OR2C1: variants seen among roughly 807,000 people sequenced by gnomAD.
The protein encoded by OR2C1 is olfactory receptor family 2 subfamily C member 1, also known as olfactory receptor 2C1.
For missense variants in OR2C1, 468 were observed against 388.3 expected (o/e 1.21, Z -1.73); for synonymous variants, 209 against 167.3 (o/e 1.25, Z -1.92).
chr16:3,342,372 A>G, the OR2C1 span, among the ~76,000 whole-genome samples: 1 of 152,210 alleles, frequency 6.6e-6, no homozygotes, highest in Non-Finnish European at 1.5e-5. Flanking sequence ...AATTAGGGGG[A>G]AATATTTGTG....
At chr16:3,324,905 G>T in the OR2C1 span, among the ~76,000 whole-genome samples, 1 of 151,996 alleles carries the variant, frequency 6.6e-6, no homozygotes, top group Non-Finnish European at 1.5e-5. Context: ...AAATTTTTTG[G>T]TTTTCCAGTA....
chr16:3,345,197 G>A, the OR2C1 span, among the ~76,000 whole-genome samples: 14 of 151,988 alleles, frequency 9.2e-5, no homozygotes, highest in Admixed American at 6.6e-4. Flanking sequence ...GGCTGGGCGC[G>A]GTGGTTCATG....
the OR2C1 span, among the ~76,000 whole-genome samples, chr16:3,333,194 A>G: frequency 1.6e-5 from 1 of 63,386 alleles, no homozygotes; most frequent in Non-Finnish European, 3.5e-5. Flanking sequence ...AGAAATGTGT[A>G]TTCGGATCTT....
the OR2C1 span, among the ~76,000 whole-genome samples, chr16:3,329,748 C>CTTTCT: frequency 1.6e-5 from 1 of 62,622 alleles, no homozygotes; most frequent in African/African-American, 8.0e-5. Flanking sequence ...GGCGCCCGGC[C>CTTTCT]TTTTTTTTTT....
chr16:3,338,994 T>C, the OR2C1 span, among the ~76,000 whole-genome samples: 2 of 151,988 alleles, frequency 1.3e-5, no homozygotes, highest in African/African-American at 4.8e-5. Context: ...TCCTTATTTG[T>C]TAGGTAATTA....
the OR2C1 span, among the ~76,000 whole-genome samples, chr16:3,338,873 T>C: frequency 6.6e-6 from 1 of 152,158 alleles, no homozygotes; most frequent in African/African-American, 2.4e-5. Flanking sequence ...TCACATAAAA[T>C]AAAATTAACC....
the OR2C1 span, among the ~76,000 whole-genome samples, chr16:3,328,017 T>C: frequency 1.3e-5 from 2 of 152,220 alleles, no homozygotes; most frequent in Admixed American, 6.5e-5. Flanking sequence ...AAATTTAATA[T>C]CCCTATTCTA....
At chr16:3,327,440 C>T in the OR2C1 span, among the ~76,000 whole-genome samples, 10 of 152,078 alleles carry the variant, frequency 6.6e-5, no homozygotes, top group Admixed American at 2.6e-4. Context: ...TCATTGAGAA[C>T]ACAGGAGCTG....
the OR2C1 span, among the ~76,000 whole-genome samples, chr16:3,333,646 T>C: frequency 6.6e-6 from 1 of 152,192 alleles, no homozygotes; most frequent in South Asian, 2.1e-4. Flanking sequence ...AGTTTACAAA[T>C]ATTTTCTATG....
chr16:3,327,629 G>C, the OR2C1 span, among the ~76,000 whole-genome samples: 1 of 150,888 alleles, frequency 6.6e-6, no homozygotes, highest in Non-Finnish European at 1.5e-5. Context: ...GATGATCCCT[G>C]GAGCAAGTTA....
chr16:3,348,531 C>G, the OR2C1 span, among the ~76,000 whole-genome samples: 2 of 152,248 alleles, frequency 1.3e-5, no homozygotes, highest in African/African-American at 4.8e-5. Context: ...TGTTTATAAA[C>G]CGCTGGGCAC....
the OR2C1 span, among the ~76,000 whole-genome samples, chr16:3,346,382 G>C: frequency 2.8e-4 from 43 of 152,148 alleles, no homozygotes; most frequent in African/African-American, 8.4e-4. Context: ...GAGGATCTCA[G>C]AGGAGATGCA....
At chr16:3,352,873 C>T (rs1271568773), upstream of OR2C1, among the ~76,000 whole-genome samples, 1 of 151,676 alleles carries the variant, frequency 6.6e-6, no homozygotes, top group Non-Finnish European at 1.5e-5. Context: ...TCCTGAGTAG[C>T]TGGGATTACA....
chr16:3,329,903 C>T, the OR2C1 span, among the ~76,000 whole-genome samples: 66 of 150,964 alleles, frequency 4.4e-4, no homozygotes, highest in African/African-American at 1.5e-3. Flanking sequence ...TACAGGTGCC[C>T]GCCATTATGC....
At chr16:3,352,297 A>G (rs113474177), upstream of OR2C1, among the ~76,000 whole-genome samples, 4,325 of 151,912 alleles carry the variant, frequency 0.028, 212 homozygotes, top group African/African-American at 0.096. Flanking sequence ...TTGTATTTTT[A>G]GTAGAGACGG....
upstream of OR2C1, among the ~76,000 whole-genome samples, chr16:3,352,824 C>T (rs983493647): frequency 6.7e-6 from 1 of 149,990 alleles, no homozygotes; most frequent in Non-Finnish European, 1.5e-5. Flanking sequence ...TCACTGCAAA[C>T]TCCGCCTCCT....
At chr16:3,349,234 T>C in the OR2C1 span, among the ~76,000 whole-genome samples, 1 of 152,206 alleles carries the variant, frequency 6.6e-6, no homozygotes, top group Non-Finnish European at 1.5e-5. Flanking sequence ...TTTTTATTAC[T>C]AGTTCGATTA....
upstream of OR2C1, among the ~76,000 whole-genome samples, chr16:3,353,152 A>T (rs2030600654): frequency 6.6e-6 from 1 of 151,920 alleles, no homozygotes; most frequent in Non-Finnish European, 1.5e-5. Context: ...TGAGCTGATT[A>T]TCCGGTTAGT....
At chr16:3,327,433 T>C in the OR2C1 span, among the ~76,000 whole-genome samples, 3 of 152,226 alleles carry the variant, frequency 2.0e-5, no homozygotes, top group South Asian at 6.2e-4. Flanking sequence ...GCAAAGCTCA[T>C]TGAGAACACA....
Sources: allele counts gnomAD v4.1 joint callset (sites outside exome capture counted in the v4.1 genomes callset), GRCh38; gene constraint gnomAD v4.1.1; transcripts MANE v1.5; gene names NCBI Gene and HGNC (gene_info 2026-07-23, HGNC 2026-07-21).